The following PIP5K1C variants were observed in gnomAD, a reference collection of about 807,000 sequenced individuals.
PIP5K1C encodes the protein phosphatidylinositol 4-phosphate 5-kinase type-1 gamma.
In PIP5K1C, 45 loss-of-function variants were observed where a neutral mutation model predicts 80.1. The ratio of observed to expected loss-of-function variants is 0.56; its 90% CI spans 0.44 to 0.72. The LOEUF (loss-of-function observed/expected upper bound fraction) is 0.72. Among genes scored for constraint, PIP5K1C ranks in the 30% least tolerant of loss-of-function variants. The pLI is 0.00. For synonymous variants in PIP5K1C, 498 were observed against 420.1 expected (o/e 1.19, Z -2.27); for missense variants, 753 against 954.6 (o/e 0.79, Z 2.78).
chr19:3,691,942 GC>G (rs998167224), intron 1 of PIP5K1C, among the ~76,000 whole-genome samples: 22 of 152,244 alleles, frequency 1.4e-4, no homozygotes, highest in African/African-American at 5.3e-4. Flanking sequence ...ACAGGCACAG[GC>G]CCCGAGGCAG....
intron 1 of PIP5K1C, among the ~76,000 whole-genome samples, chr19:3,672,902 G>T (rs1399805562): frequency 6.6e-6 from 1 of 151,374 alleles, no homozygotes; most frequent in African/African-American, 2.4e-5. Context: ...GGTGGGGGCG[G>T]GGGGAGAGTG....
At chr19:3,666,833 G>A (rs1202320046) in intron 2 of PIP5K1C, among the ~76,000 whole-genome samples, 1 of 151,772 alleles carries the variant, frequency 6.6e-6, no homozygotes, top group Non-Finnish European at 1.5e-5. Context: ...GCACACATAG[G>A]CTGCACACAG....
intron 1 of PIP5K1C, among the ~76,000 whole-genome samples, chr19:3,682,372 TAAAA>T (rs369608211): frequency 9.0e-6 from 1 of 111,206 alleles, no homozygotes; most frequent in Non-Finnish European, 1.9e-5. Flanking sequence ...AGACTCCATC[TAAAA>T]AAAAAAAAAA....
In PIP5K1C at chr19:3,648,152, G is replaced by C. The variant is rs1049954472; in HGVS notation, c.1211+473C>G. Among the ~76,000 whole-genome samples the C allele has an allele frequency of 2.6e-5, 4 of 151,624 alleles. No homozygotes were observed. The highest frequency in any genetic ancestry group is 9.7e-5 in the African/African-American group (4 of 41,220). ...GAATCCTCCTGCCTCGGCCTCCCAA[G>C]TAGCTGGGACTGCAGGAGCACCACC... On this transcript the variant is annotated intron_variant, in intron 9 of 17. Coordinates refer to ENST00000335312, the MANE Select transcript of PIP5K1C (RefSeq NM_012398.3). This position sits in a 1 kb window ranked among gnomAD's most constrained non-coding sequence, Gnocchi z 4.3.
Position 3,696,688 on chromosome 19 carries a change from G to A in PIP5K1C, c.94+3609C>T, listed in dbSNP as rs1197933109. Among the ~76,000 whole-genome samples, 3 of 127,332 alleles carry A rather than the reference G, an allele frequency of 2.4e-5. No individual in the cohort carries two copies. The highest frequency in any genetic ancestry group is 5.9e-5 in the African/African-American group (2 of 33,858). 83.5% of individuals were successfully genotyped at this position (127,332 alleles called of 152,430 possible). ...TGGAGGAACAGCAAGGGGCCCATGG[G>A]CCTACAGCAGAGTGCAGACGGGAGG... is the stretch of plus-strand genomic sequence containing the variant. On this transcript the variant is annotated intron_variant, in intron 1 of 17. Transcript: ENST00000335312. The surrounding 1 kb of genome is among the most constrained non-coding windows in gnomAD (Gnocchi z 4.1).
chr19:3,661,163 C>T, intron 4 of PIP5K1C, 80 bp from the exon 5 acceptor site: 2 of 928,666 alleles, frequency 2.2e-6, no homozygotes, highest in Non-Finnish European at 1.7e-6. Flanking sequence ...CCTCCTAGTG[C>T]CTCTAGCAGC....
chr19:3,670,567 C>T (rs956974752), intron 1 of PIP5K1C, among the ~76,000 whole-genome samples: 1 of 152,258 alleles, frequency 6.6e-6, no homozygotes, highest in African/African-American at 2.4e-5. Context: ...TGAGCCAGAA[C>T]AAACGCCTGT....
At chr19:3,641,172 G>A (rs1208298072) in intron 15 of PIP5K1C, among the ~76,000 whole-genome samples, 1 of 151,870 alleles carries the variant, frequency 6.6e-6, no homozygotes, top group Non-Finnish European at 1.5e-5. Flanking sequence ...CCAAGATTGA[G>A]CCACTGCTCT....
chr19:3,671,572 C>T (rs1005476687), intron 1 of PIP5K1C, among the ~76,000 whole-genome samples: 45 of 152,190 alleles, frequency 3.0e-4, no homozygotes, highest in African/African-American at 1.1e-3. Flanking sequence ...GGCCGAAGCA[C>T]TGAGGTGGAG....
At chr19:3,655,660 T>C (rs1224724509) in intron 6 of PIP5K1C, among the ~76,000 whole-genome samples, 2 of 152,180 alleles carry the variant, frequency 1.3e-5, no homozygotes, top group Non-Finnish European at 2.9e-5. Context: ...AAGACTGAGT[T>C]TGCTGAGCCT....
intron 1 of PIP5K1C, among the ~76,000 whole-genome samples, chr19:3,693,822 G>C (rs1396887640): frequency 7.2e-5 from 11 of 152,194 alleles, no homozygotes; most frequent in African/African-American, 2.2e-4. Context: ...CCAGCACTTT[G>C]GGAGGTGGAG....
chr19:3,683,801 C>A (rs2035665551), intron 1 of PIP5K1C, among the ~76,000 whole-genome samples: 1 of 152,180 alleles, frequency 6.6e-6, no homozygotes, highest in South Asian at 2.1e-4. Context: ...GTCTGGAGAG[C>A]TGGGATCAGC....
intron 4 of PIP5K1C, 47 bp from the exon 5 acceptor site, chr19:3,661,130 T>C: frequency 7.9e-7 from 1 of 1,273,184 alleles, no homozygotes; most frequent in Non-Finnish European, 1.1e-6. Flanking sequence ...GGTGGGCACC[T>C]CTCCCCCACC....
At chr19:3,644,378 C>T in intron 11 of PIP5K1C, 127 bp from the exon 12 acceptor site, 1 of 904,948 alleles carries the variant, frequency 1.1e-6, no homozygotes, top group Non-Finnish European at 1.7e-6. Context: ...TCCCTGAGGC[C>T]AGGAAGCACC....
intron 3 of PIP5K1C, among the ~76,000 whole-genome samples, chr19:3,664,182 G>T (rs1002049422): frequency 2.2e-4 from 34 of 152,338 alleles, no homozygotes; most frequent in African/African-American, 6.3e-4. Flanking sequence ...ATCCACAGAC[G>T]CAGGAAAGGG....
chr19:3,700,044 C>G (rs2036247667), intron 1 of PIP5K1C, among the ~76,000 whole-genome samples: 1 of 152,176 alleles, frequency 6.6e-6, no homozygotes, highest in African/African-American at 2.4e-5. Flanking sequence ...AACGGGGATC[C>G]CCAGCGGCGC....
chr19:3,641,911 T>G (rs2033978864), intron 14 of PIP5K1C, 102 bp from the exon 15 acceptor site: 4 of 904,792 alleles, frequency 4.4e-6, no homozygotes, highest in Non-Finnish European at 7.0e-6. Context: ...AGAGGGGAGT[T>G]GGGAGCCTCC....
intron 1 of PIP5K1C, among the ~76,000 whole-genome samples, chr19:3,695,295 G>A (rs533600294): frequency 1.7e-4 from 26 of 152,316 alleles, no homozygotes; most frequent in African/African-American, 5.1e-4. Context: ...GCGCCCAGGT[G>A]AGCTCGCTTG....
At chr19:3,655,535 C>T (rs746570570) in intron 6 of PIP5K1C, among the ~76,000 whole-genome samples, 3 of 152,232 alleles carry the variant, frequency 2.0e-5, no homozygotes, top group East Asian at 1.9e-4. Flanking sequence ...GGCACATGGC[C>T]GCGCCCATCC....
Sources: allele counts gnomAD v4.1 joint callset (sites outside exome capture counted in the v4.1 genomes callset), GRCh38; gene constraint gnomAD v4.1.1; non-coding constraint Gnocchi (gnomAD v3.1); transcripts MANE v1.5; gene names NCBI Gene and HGNC (gene_info 2026-07-23, HGNC 2026-07-21).